SMC1B: variants seen among roughly 807,000 people sequenced by gnomAD.
SMC1B encodes structural maintenance of chromosomes 1B.
Under a neutral mutation model 157.9 loss-of-function variants are expected in SMC1B, and 60 were observed. The ratio of observed to expected loss-of-function variants is 0.38; its 90% CI spans 0.31 to 0.47. The LOEUF is 0.47. SMC1B is among the 20% of genes least tolerant of loss of function. SMC1B has a pLI of 0.99. For synonymous variants in SMC1B, 445 were observed against 483.0 expected, an observed-to-expected ratio of 0.92 and a Z score of 1.03; for missense variants, 1,165 against 1,426.2, an observed-to-expected ratio of 0.82 and a Z score of 2.95.
Position 45,359,883 on chromosome 22 carries a change from G to C in SMC1B, c.2784C>G (p.Asn928Lys). The C allele has an allele frequency of 6.2e-7, 1 of 1,614,054 alleles. No homozygotes were observed. Among genetic ancestry groups the C allele is most frequent in the Non-Finnish European group, 8.5e-7 (1 of 1,179,914 alleles). The change falls in exon 18 of 25, where the codon AAC becomes AAG. Residue 928 changes from asparagine (N) to lysine (K), a missense_variant. Physicochemically the swap from Asn to Lys is moderately conservative, Grantham distance 94 (BLOSUM62 0). Transcript: ENST00000357450. Reference protein sequence around the residue: ...SLEQKRLEKHNLLLDCKVQDI... With the variant: ...SLEQKRLEKHKLLLDCKVQDI... ...CTTGCACTTTGCAATCAAGCAGCAAGTTATGCTTCTCTAATCGTTTCTGTT... is the reference window on the plus strand; with the variant it reads ...CTTGCACTTTGCAATCAAGCAGCAACTTATGCTTCTCTAATCGTTTCTGTT...
At chr22:45,395,196 G>A (rs1039129729) in intron 7 of SMC1B, among the ~76,000 whole-genome samples, 5 of 152,202 alleles carry the variant, frequency 3.3e-5, no homozygotes, top group Admixed American at 1.3e-4. Flanking sequence ...ATGTCTGGTA[G>A]GAGAGACAGA....
chr22:45,397,516 C>T (rs1015048116), intron 6 of SMC1B, among the ~76,000 whole-genome samples: 3 of 152,120 alleles, frequency 2.0e-5, no homozygotes, highest in Non-Finnish European at 4.4e-5. Context: ...GACCTTCAAG[C>T]CAAAGACAGT....
intron 14 of SMC1B, 49 bp downstream of exon 14, chr22:45,371,421 CT>C: frequency 6.7e-7 from 1 of 1,483,392 alleles, no homozygotes; most frequent in Non-Finnish European, 8.9e-7. Flanking sequence ...AATCTAGTAT[CT>C]GGTCTAGAAC....
At chr22:45,390,163 AAAT>A (rs1303930031) in intron 9 of SMC1B, among the ~76,000 whole-genome samples, 1 of 152,056 alleles carries the variant, frequency 6.6e-6, no homozygotes, top group African/African-American at 2.4e-5. Context: ...CTACACAATT[AAAT>A]AATATTCATT....
rs4823291 is a variant in SMC1B, at chr22:45,354,393, T to C, written c.3119-261A>G. 8.5e-5 allele frequency among the ~76,000 whole-genome samples: 9 copies of C among 105,436 alleles called. No individual in the cohort carries two copies. The South Asian group carries it at 2.6e-3, about 30-fold the overall frequency. 69.2% of individuals were successfully genotyped at this position (105,436 alleles called of 152,430 possible). A position where few individuals can be genotyped will look rare whatever the true frequency, so the allele number is the denominator to read the frequency against. On this transcript the variant is annotated intron_variant, in intron 20 of 24. Transcript: ENST00000357450. Reference sequence around the variant, plus strand: ...ATGTATGTATGTATGTAAGTATGTATGTATGTATGTATTTAGAGACGGAGT... The same window carrying C: ...ATGTATGTATGTATGTAAGTATGTACGTATGTATGTATTTAGAGACGGAGT...
In SMC1B at chr22:45,398,039, G is replaced by A. The variant is rs569722955; in HGVS notation, c.1113+1056C>T. On this transcript the variant is annotated intron_variant, in intron 6 of 24. Transcript: ENST00000357450. ...CCCCACATGACAGGAAGCAGTGGTG[G>A]GGCCGAGCAAGCCCCAGAGCTGAGG... 1.7e-3 allele frequency among the ~76,000 whole-genome samples: 265 copies of A among 152,286 alleles called. 1 individual carries two copies. The highest frequency in any genetic ancestry group is 6.1e-3 in the African/African-American group (254 of 41,568).
At chr22:45,385,169 A>T (rs76751115) in intron 11 of SMC1B, among the ~76,000 whole-genome samples, 8,308 of 152,152 alleles carry the variant, frequency 0.055, 591 homozygotes, top group African/African-American at 0.17. Context: ...TGGTACATAA[A>T]TTTTTTAAAT....
chr22:45,378,317 CATTAA>C (rs2086902606), intron 12 of SMC1B, among the ~76,000 whole-genome samples: 1 of 152,106 alleles, frequency 6.6e-6, no homozygotes, highest in Non-Finnish European at 1.5e-5. Flanking sequence ...TTTCTTATTT[CATTAA>C]ATTATCATCT....
At chr22:45,345,146 C>CTGAA (rs887717578) in intron 24 of SMC1B, among the ~76,000 whole-genome samples, 1 of 152,170 alleles carries the variant, frequency 6.6e-6, no homozygotes, top group Non-Finnish European at 1.5e-5. Flanking sequence ...GCTTAAAACA[C>CTGAA]TGAAACACTG....
chr22:45,350,928 A>G (rs2086609534), intron 22 of SMC1B, among the ~76,000 whole-genome samples: 1 of 152,100 alleles, frequency 6.6e-6, no homozygotes, highest in South Asian at 2.1e-4. Context: ...CATACAGTCT[A>G]TTCTCCATCC....
chr22:45,357,024 C>T (rs541500024), intron 19 of SMC1B, among the ~76,000 whole-genome samples: 78 of 152,288 alleles, frequency 5.1e-4, no homozygotes, highest in African/African-American at 1.6e-3. Flanking sequence ...TGAGCCACCA[C>T]GCCCGGCCTG....
intron 22 of SMC1B, 39 bp from the exon 23 acceptor site, chr22:45,349,836 A>G (rs1231694165): frequency 2.0e-6 from 3 of 1,493,022 alleles, no homozygotes; most frequent in East Asian, 2.3e-5. Context: ...ACAATTTTCT[A>G]TTTGTTTTAC....
At chr22:45,379,723 C>CTTTTTTTTTTTTT (rs136583) in intron 12 of SMC1B, among the ~76,000 whole-genome samples, 51 of 91,468 alleles carry the variant, frequency 5.6e-4, no homozygotes, top group Non-Finnish European at 7.0e-4. Context: ...TTTCTTTTTA[C>CTTTTTTTTTTTTT]TTTTTTTTTT....
intron 15 of SMC1B, 103 bp from the exon 16 acceptor site, chr22:45,363,129 T>C (rs2086737852): frequency 2.6e-6 from 2 of 772,404 alleles, no homozygotes; most frequent in Admixed American, 3.6e-5. Flanking sequence ...AAAGGAATAC[T>C]ATAATGAACT....
intron 19 of SMC1B, 83 bp from the exon 20 acceptor site, chr22:45,355,198 A>G: frequency 7.2e-7 from 1 of 1,395,748 alleles, no homozygotes; most frequent in Non-Finnish European, 1.0e-6. Flanking sequence ...GGGGCACTTC[A>G]CCATCCCAGG....
rs1316040728 is a variant in SMC1B at position 45,400,774 on chromosome 22, A to G, written c.855-1421T>C. On this transcript the variant is annotated intron_variant, in intron 5 of 24. Coordinates refer to ENST00000357450, the MANE Select transcript of SMC1B (RefSeq NM_148674.5). ...CAGTGATACCATGTTGATATGACAC[A>G]TGATATAGTACATGATAAATGTCAT... Among the ~76,000 whole-genome samples, 3 of 152,332 alleles carry G rather than the reference A, an allele frequency of 2.0e-5. No homozygotes were observed. In the East Asian group the frequency reaches 5.8e-4, roughly 29 times the overall value.
At chr22:45,352,145 A>C (rs2086621707) in intron 22 of SMC1B, among the ~76,000 whole-genome samples, 1 of 151,554 alleles carries the variant, frequency 6.6e-6, no homozygotes, top group Non-Finnish European at 1.5e-5. Context: ...CTGCCTACTC[A>C]GGTGACTCAG....
At chr22:45,413,317 C>G in intron 1 of SMC1B, 142 bp downstream of exon 1, 1 of 621,578 alleles carries the variant, frequency 1.6e-6, no homozygotes, top group Non-Finnish European at 2.8e-6. Flanking sequence ...AGGCCGGGAT[C>G]CGGTCGCGGT....
intron 15 of SMC1B, among the ~76,000 whole-genome samples, chr22:45,367,635 A>G (rs2086789285): frequency 6.6e-6 from 1 of 152,168 alleles, no homozygotes; most frequent in Non-Finnish European, 1.5e-5. Context: ...CCCTTCAGTG[A>G]TACTTCCTAT....
Sources: gnomAD v4.1 joint callset for allele counts (sites outside exome capture counted in the v4.1 genomes callset) on GRCh38, gnomAD v4.1.1 for gene constraint, MANE v1.5 for transcripts, NCBI Gene and HGNC (gene_info 2026-07-23, HGNC 2026-07-21) for gene names.